B3GLCT: variants seen among roughly 807,000 people sequenced by gnomAD.
B3GLCT encodes beta-1,3-glucosyltransferase.
A neutral mutation model predicts 63.4 loss-of-function variants in B3GLCT; 65 were observed. That is an observed-to-expected ratio of 1.03 (90% CI 0.84 to 1.26). The LOEUF is 1.26. B3GLCT is among the 50% of genes most tolerant of loss of function. The pLI, the probability that B3GLCT is intolerant of heterozygous loss-of-function variation, is 0.00. For missense variants in B3GLCT, 577 were observed against 604.8 expected, an observed-to-expected ratio of 0.95 and a Z score of 0.48; for synonymous variants, 233 against 219.2, an observed-to-expected ratio of 1.06 and a Z score of -0.55.
At chr13:31,286,206 C>G (rs1011635326) in intron 11 of B3GLCT, among the ~76,000 whole-genome samples, 3 of 152,168 alleles carry the variant, frequency 2.0e-5, no homozygotes, top group African/African-American at 7.2e-5. Context: ...ATCTTTAGTG[C>G]TTAGTACCTG....
At chr13:31,251,910 A>T (rs1446506931) in intron 6 of B3GLCT, among the ~76,000 whole-genome samples, 1 of 152,198 alleles carries the variant, frequency 6.6e-6, no homozygotes, top group Non-Finnish European at 1.5e-5. Context: ...CAAGACACAT[A>T]GTCGTCAGAT....
chr13:31,267,202 G>A (rs1395130594), intron 7 of B3GLCT, among the ~76,000 whole-genome samples: 1 of 152,214 alleles, frequency 6.6e-6, no homozygotes, highest in Non-Finnish European at 1.5e-5. Flanking sequence ...GTACTAAGGT[G>A]TTTACTGACT....
In B3GLCT at chr13:31,229,168, ATT is replaced by A; in HGVS notation, c.161-9_161-8del. On this transcript the variant is annotated splice_polypyrimidine_tract_variant and intron_variant, in intron 3 of 14. Coordinates refer to ENST00000343307, the MANE Select transcript of B3GLCT (RefSeq NM_194318.4). ...TTGTAAAAAGAAATACCTGAAAACTATTTTTTTTTGTTCTAGACTTAAAAGGA... is the reference window on the plus strand; with the variant it reads ...TTGTAAAAAGAAATACCTGAAAACTATTTTTTTGTTCTAGACTTAAAAGGA... 1.4e-6 allele frequency: 2 copies of A among 1,458,828 alleles called. No homozygotes were observed. The highest frequency in any genetic ancestry group is 1.9e-6 in the Non-Finnish European group (2 of 1,046,110). The allele number at this position is 1,458,828 out of a possible 1,614,324, so 90.4% of individuals were successfully genotyped here.
At chr13:31,211,215 C>A (rs1299094224) in intron 1 of B3GLCT, among the ~76,000 whole-genome samples, 1 of 152,016 alleles carries the variant, frequency 6.6e-6, no homozygotes, top group Non-Finnish European at 1.5e-5. Flanking sequence ...GCCAACATGG[C>A]AAAACCCCAT....
At chr13:31,240,844 C>T (rs1228641722) in intron 4 of B3GLCT, among the ~76,000 whole-genome samples, 1 of 152,042 alleles carries the variant, frequency 6.6e-6, no homozygotes, top group Non-Finnish European at 1.5e-5. Context: ...CTGTTGAATG[C>T]AAATTTATCG....
At chr13:31,228,785 C>T (rs567065111) in intron 3 of B3GLCT, among the ~76,000 whole-genome samples, 1 of 152,326 alleles carries the variant, frequency 6.6e-6, no homozygotes, top group South Asian at 2.1e-4. Flanking sequence ...TGTTTCAACT[C>T]ATAACAGGTA....
chr13:31,313,216 A>G (rs986943619), intron 12 of B3GLCT, among the ~76,000 whole-genome samples: 1 of 152,262 alleles, frequency 6.6e-6, no homozygotes, highest in East Asian at 1.9e-4. Context: ...CCCTCCCACC[A>G]AAAAATGAGA....
At chr13:31,258,242 A>T (rs1871838770) in intron 6 of B3GLCT, among the ~76,000 whole-genome samples, 2 of 152,328 alleles carry the variant, frequency 1.3e-5, no homozygotes, top group South Asian at 4.1e-4. Flanking sequence ...TGAACTCTCA[A>T]TGCCTTTCTA....
At chr13:31,296,542 T>A (rs1593304489) in intron 12 of B3GLCT, among the ~76,000 whole-genome samples, 2 of 152,226 alleles carry the variant, frequency 1.3e-5, no homozygotes, top group Non-Finnish European at 2.9e-5. Flanking sequence ...AGCTTCATAT[T>A]GGGGATTAGA....
At chr13:31,200,216 G>C in intron 1 of B3GLCT, 62 bp downstream of exon 1, 2 of 1,081,168 alleles carry the variant, frequency 1.8e-6, no homozygotes, top group African/African-American at 1.7e-5. Flanking sequence ...ACAGTCGCCC[G>C]TGCCCCGGTC....
chr13:31,286,500 GT>G (rs1237293052), intron 11 of B3GLCT, among the ~76,000 whole-genome samples: 1 of 152,166 alleles, frequency 6.6e-6, no homozygotes, highest in East Asian at 1.9e-4. Context: ...CCATTTCCTT[GT>G]GTGAGAAATG....
chr13:31,305,255 C>A lies in B3GLCT; in HGVS notation c.1065-12311C>A, dbSNP rs1365769557. Among the ~76,000 whole-genome samples, 75 of 91,644 alleles carry A rather than the reference C, an allele frequency of 8.2e-4. 4 individuals carry two copies. The highest frequency in any genetic ancestry group is 1.5e-3 in the Non-Finnish European group (66 of 44,878). The allele number at this position is 91,644 out of a possible 152,430, so 60.1% of individuals were successfully genotyped here. A position where few individuals can be genotyped will look rare whatever the true frequency, so the allele number is the denominator to read the frequency against. On this transcript the variant is annotated intron_variant, in intron 12 of 14. Transcript: ENST00000343307. Reference sequence around the variant, plus strand: ...AGATCCAAAATTGACACCCTAACATCACAATTAAAAGAACTAGAAAAGCAA... The same window carrying A: ...AGATCCAAAATTGACACCCTAACATAACAATTAAAAGAACTAGAAAAGCAA...
chr13:31,216,883 G>T (rs1869590841), intron 2 of B3GLCT, among the ~76,000 whole-genome samples: 1 of 152,110 alleles, frequency 6.6e-6, no homozygotes, highest in African/African-American at 2.4e-5. Context: ...CCATGTCTTT[G>T]CTATTGTGAA....
intron 12 of B3GLCT, among the ~76,000 whole-genome samples, chr13:31,310,735 G>C (rs1487673606): frequency 6.6e-6 from 1 of 152,204 alleles, no homozygotes; most frequent in Non-Finnish European, 1.5e-5. Flanking sequence ...TGCTTCCTGG[G>C]GGCTCAGAGC....
Position 31,261,099 on chromosome 13 carries a change from AT to A in B3GLCT, c.596+23del. On this transcript the variant is annotated intron_variant, in intron 7 of 14. Coordinates refer to ENST00000343307, the MANE Select transcript of B3GLCT (RefSeq NM_194318.4). ...TGTAAACAAGTAAGAATTTATTGGA[AT>A]TTTTTCGGGGGGCGGGAGGGGTGTG... 1 of 1,497,656 alleles carries A rather than the reference AT, an allele frequency of 6.7e-7. No individual in the cohort carries two copies. The highest frequency in any genetic ancestry group is 9.0e-7 in the Non-Finnish European group (1 of 1,115,374). The allele number at this position is 1,497,656 out of a possible 1,614,324, so 92.8% of individuals were successfully genotyped here. A position where few individuals can be genotyped will look rare whatever the true frequency, so the allele number is the denominator to read the frequency against.
intron 4 of B3GLCT, 52 bp from the exon 5 acceptor site, chr13:31,246,971 T>TTTTTTTTTTGG: frequency 8.2e-7 from 1 of 1,218,252 alleles, no homozygotes; most frequent in South Asian, 1.3e-5. Context: ...TTTTTTACTT[T>TTTTTTTTTTGG]TTTTCGGAGT....
At chr13:31,290,201 T>C (rs1336828701) in intron 12 of B3GLCT, among the ~76,000 whole-genome samples, 4 of 152,210 alleles carry the variant, frequency 2.6e-5, no homozygotes, top group Non-Finnish European at 4.4e-5. Context: ...GAACTCATGC[T>C]TTTTTATGGC....
intron 1 of B3GLCT, among the ~76,000 whole-genome samples, chr13:31,208,389 ACT>A (rs1433293714): frequency 6.7e-6 from 1 of 150,356 alleles, no homozygotes; most frequent in Admixed American, 6.6e-5. Flanking sequence ...CGCTGTGGAG[ACT>A]CTAGTGCTGC....
intron 1 of B3GLCT, among the ~76,000 whole-genome samples, chr13:31,207,286 A>T (rs2137731532): frequency 1.6e-5 from 2 of 128,908 alleles, no homozygotes; most frequent in East Asian, 5.1e-4. Context: ...GTAAACTGCT[A>T]ATTTTTTTTT....
Sources: gnomAD v4.1 joint callset for allele counts (sites outside exome capture counted in the v4.1 genomes callset) on GRCh38, gnomAD v4.1.1 for gene constraint, MANE v1.5 for transcripts, NCBI Gene and HGNC (gene_info 2026-07-23, HGNC 2026-07-21) for gene names.